The following ZNF280D variants were observed in gnomAD, a reference collection of about 807,000 sequenced individuals.
ZNF280D encodes suppressor of hairy wing homolog 4.
Under a neutral mutation model 94.7 loss-of-function variants are expected in ZNF280D, and 39 were observed. That is an observed-to-expected ratio of 0.41 (90% CI 0.32 to 0.54). ZNF280D has a LOEUF of 0.54. Among genes scored for constraint, ZNF280D ranks in the 20% least tolerant of loss-of-function variants. The pLI is 0.22. For missense variants in ZNF280D, 1,090 were observed against 1,149.3 expected, an observed-to-expected ratio of 0.95 and a Z score of 0.75; for synonymous variants, 398 against 377.6, an observed-to-expected ratio of 1.05 and a Z score of -0.63.
At chr15:56,646,608 A>C (rs948789041) in intron 19 of ZNF280D, among the ~76,000 whole-genome samples, 6 of 152,194 alleles carry the variant, frequency 3.9e-5, no homozygotes, top group Non-Finnish European at 7.4e-5. Flanking sequence ...TGTGGAAAGG[A>C]TGCCTGAGCA....
chr15:56,654,484 G>C lies in ZNF280D; in HGVS notation c.2077C>G (p.Leu693Val). 1 of 1,601,460 alleles carries C rather than the reference G, an allele frequency of 6.2e-7. No individual in the cohort carries two copies. The highest frequency in any genetic ancestry group is 8.5e-7 in the Non-Finnish European group (1 of 1,176,526). The change falls in exon 18 of 22, where the codon CTT becomes GTT. Residue 693 changes from leucine (L) to valine (V), a missense_variant. By Grantham distance (32) the Leu-to-Val change is conservative. Coordinates refer to ENST00000267807, the MANE Select transcript of ZNF280D (RefSeq NM_017661.4). The part of the protein sequence containing the change: ...ENLRGITLVC[L>V]NCDFLSDVSG... ...ACATCACTTAGGAAATCACAATTAA[G>C]GCACACTAGAGTAATGCCCCTAAAA...
chr15:56,674,067 T>C (rs1462042211), intron 13 of ZNF280D, among the ~76,000 whole-genome samples: 3 of 152,112 alleles, frequency 2.0e-5, no homozygotes, highest in Non-Finnish European at 2.9e-5. Context: ...TTTTGTTCAA[T>C]GCTATATGAT....
At chr15:56,637,790 G>A (rs1360701103) in intron 20 of ZNF280D, among the ~76,000 whole-genome samples, 1 of 151,732 alleles carries the variant, frequency 6.6e-6, no homozygotes, top group Non-Finnish European at 1.5e-5. Flanking sequence ...AGTAGTCATT[G>A]TATTCTTCAC....
chr15:56,688,746 T>C (rs2056226689), intron 9 of ZNF280D: 1 of 169,652 alleles, frequency 5.9e-6, no homozygotes. Flanking sequence ...GCCTGTTTTA[T>C]AAGACATTTG....
At chr15:56,672,113 T>C (rs1364934202) in intron 13 of ZNF280D, among the ~76,000 whole-genome samples, 2 of 152,142 alleles carry the variant, frequency 1.3e-5, no homozygotes, top group South Asian at 2.1e-4. Context: ...TATAGGATCA[T>C]GTCATCAGCA....
chr15:56,661,265 G>A (rs564676896), intron 16 of ZNF280D, among the ~76,000 whole-genome samples: 1 of 152,154 alleles, frequency 6.6e-6, no homozygotes, highest in Non-Finnish European at 1.5e-5. Context: ...AGTTGAAGGA[G>A]TTGAAAAGTA....
intron 11 of ZNF280D, among the ~76,000 whole-genome samples, chr15:56,677,875 A>G (rs534155254): frequency 2.0e-5 from 3 of 152,280 alleles, no homozygotes; most frequent in East Asian, 1.9e-4. Flanking sequence ...TAACAACCCT[A>G]TAAGAAAGGT....
intron 9 of ZNF280D, among the ~76,000 whole-genome samples, chr15:56,683,028 T>C (rs1566977279): frequency 6.6e-6 from 1 of 152,144 alleles, no homozygotes; most frequent in Non-Finnish European, 1.5e-5. Flanking sequence ...AAAGTTAGTC[T>C]ATGAACATTA....
intron 9 of ZNF280D, among the ~76,000 whole-genome samples, chr15:56,684,598 G>T (rs1000083120): frequency 6.6e-6 from 1 of 151,858 alleles, no homozygotes; most frequent in Non-Finnish European, 1.5e-5. Flanking sequence ...AGTAGACATT[G>T]CAAGGGTGAA....
Position 56,635,526 on chromosome 15 carries a change from G to A in ZNF280D, c.2260-276C>T, listed in dbSNP as rs140762696. The A allele has an allele frequency of 5.7e-3, 890 of 155,700 alleles. 10 individuals are homozygous for A. Among genetic ancestry groups the A allele is most frequent in the African/African-American group, 0.02 (840 of 41,638 alleles). 9.6% of individuals were successfully genotyped at this position (155,700 alleles called of 1,614,324 possible). ...CCACTCATGTCAATATCTGCTTTTC[G>A]TAACCTCTATTTCAAATGTGGATCA... On this transcript the variant is annotated intron_variant, in intron 20 of 21. Coordinates refer to ENST00000267807, the MANE Select transcript of ZNF280D (RefSeq NM_017661.4).
intron 1 of ZNF280D, among the ~76,000 whole-genome samples, chr15:56,708,736 T>G (rs1010610900): frequency 6.6e-6 from 1 of 152,098 alleles, no homozygotes; most frequent in Non-Finnish European, 1.5e-5. Flanking sequence ...TTGACAAACC[T>G]GACAAAAACA....
intron 10 of ZNF280D, among the ~76,000 whole-genome samples, chr15:56,681,106 A>G (rs2055587851): frequency 6.6e-6 from 1 of 152,220 alleles, no homozygotes; most frequent in Non-Finnish European, 1.5e-5. Context: ...AATAAGTGAA[A>G]AAACTTTGAA....
At chr15:56,660,971 T>TG (rs1332546156) in intron 16 of ZNF280D, among the ~76,000 whole-genome samples, 1 of 149,842 alleles carries the variant, frequency 6.7e-6, no homozygotes, top group African/African-American at 2.5e-5. Flanking sequence ...TATGGTTGCT[T>TG]GGGGGGAGTG....
At chr15:56,677,695 G>T (rs767622344) in intron 11 of ZNF280D, 21 bp from the exon 12 acceptor site, 17 of 1,135,308 alleles carry the variant, frequency 1.5e-5, no homozygotes, top group Non-Finnish European at 2.1e-5. Flanking sequence ...GAGAGAAACA[G>T]TATAATAATA....
At chr15:56,670,880 AGGT>A (rs1229058132) in intron 13 of ZNF280D, among the ~76,000 whole-genome samples, 2 of 151,924 alleles carry the variant, frequency 1.3e-5, no homozygotes, top group African/African-American at 4.8e-5. Flanking sequence ...CCATTCTGAC[AGGT>A]GTGAGATGGT....
chr15:56,660,442 T>C (rs1252782642), intron 16 of ZNF280D, among the ~76,000 whole-genome samples: 1 of 152,082 alleles, frequency 6.6e-6, no homozygotes. Flanking sequence ...TTAGAGTTTC[T>C]CATCTATAAA....
At chr15:56,690,893 T>TGTTACTCTCTAGTTATGTTAAC (rs2056386706) in intron 7 of ZNF280D, among the ~76,000 whole-genome samples, 2 of 152,178 alleles carry the variant, frequency 1.3e-5, no homozygotes, top group African/African-American at 2.4e-5. Flanking sequence ...GTTATGTTAA[T>TGTTACTCTCTAGTTATGTTAAC]GTTACTCTCT....
intron 19 of ZNF280D, among the ~76,000 whole-genome samples, chr15:56,649,873 A>G (rs1430154399): frequency 1.3e-5 from 2 of 152,078 alleles, no homozygotes; most frequent in African/African-American, 4.8e-5. Context: ...TGTTCCTAAG[A>G]GTTTACTTAC....
At chr15:56,669,152 T>A (rs1290231075) in intron 13 of ZNF280D, among the ~76,000 whole-genome samples, 195 bp from the exon 14 acceptor site, 1 of 152,014 alleles carries the variant, frequency 6.6e-6, no homozygotes, top group Non-Finnish European at 1.5e-5. Context: ...TCAAAAGTGT[T>A]CGCTACTATG....
Sources: allele counts gnomAD v4.1 joint callset (sites outside exome capture counted in the v4.1 genomes callset), GRCh38; gene constraint gnomAD v4.1.1; transcripts MANE v1.5; gene names NCBI Gene and HGNC (gene_info 2026-07-23, HGNC 2026-07-21).